Variants in CRACR2A observed in about 807,000 individuals in gnomAD.
CRACR2A encodes the protein EF-hand calcium-binding domain-containing protein 4B.
In CRACR2A, 79 loss-of-function variants were observed where a neutral mutation model predicts 90.5. That is an observed-to-expected ratio of 0.87 (90% CI 0.73 to 1.05). CRACR2A has a LOEUF of 1.05. Among genes scored for constraint, CRACR2A ranks in the 50% least tolerant of loss-of-function variants. The probability of loss-of-function intolerance (pLI) is 0.00; values close to 1 mark genes in which losing one functional copy is unlikely to be tolerated. For synonymous variants in CRACR2A, 338 were observed against 356.7 expected (o/e 0.95, Z 0.59); for missense variants, 823 against 897.2 (o/e 0.92, Z 1.06).
chr12:3,708,869 C>T (rs1945970269), intron 3 of CRACR2A, among the ~76,000 whole-genome samples: 1 of 152,228 alleles, frequency 6.6e-6, no homozygotes, highest in Non-Finnish European at 1.5e-5. Flanking sequence ...CAGTTCCAAA[C>T]CTTCAAGTCT....
chr12:3,664,441 T>A (rs1260843104), intron 7 of CRACR2A, among the ~76,000 whole-genome samples: 1 of 152,212 alleles, frequency 6.6e-6, no homozygotes, highest in Non-Finnish European at 1.5e-5. Context: ...TCTTTTTTTT[T>A]ATTAAGTTTT....
chr12:3,706,937 G>T (rs1276843025), intron 3 of CRACR2A, among the ~76,000 whole-genome samples: 1 of 152,072 alleles, frequency 6.6e-6, no homozygotes, highest in African/African-American at 2.4e-5. Context: ...AAATCAAATT[G>T]GCTTCCTCCA....
intron 6 of CRACR2A, among the ~76,000 whole-genome samples, chr12:3,674,626 G>C (rs750177049): frequency 8.5e-5 from 13 of 152,320 alleles, no homozygotes; most frequent in Non-Finnish European, 1.8e-4. Context: ...TAGAGTTCAA[G>C]TGAAATTTCA....
intron 2 of CRACR2A, chr12:3,726,711 G>A (rs991226454): frequency 5.9e-5 from 9 of 151,968 alleles, no homozygotes; most frequent in Admixed American, 1.3e-4. Context: ...TAAGTGTAGC[G>A]TCATGATAAT....
At chr12:3,662,824 A>G (rs1385466404) in intron 7 of CRACR2A, among the ~76,000 whole-genome samples, 2 of 152,344 alleles carry the variant, frequency 1.3e-5, no homozygotes, top group Admixed American at 6.5e-5. Flanking sequence ...AGATGTGCAC[A>G]TATGGTGAGT....
At chr12:3,666,195 A>G (rs1325679647) in intron 7 of CRACR2A, among the ~76,000 whole-genome samples, 1 of 152,158 alleles carries the variant, frequency 6.6e-6, no homozygotes, top group African/African-American at 2.4e-5. Context: ...TGCGGATGCC[A>G]TAAGGGCAAC....
intron 4 of CRACR2A, among the ~76,000 whole-genome samples, chr12:3,691,096 C>T (rs948435428): frequency 2.0e-5 from 3 of 152,156 alleles, no homozygotes; most frequent in Non-Finnish European, 4.4e-5. Context: ...GGTCTTGGTT[C>T]TTTATCCAGC....
intron 4 of CRACR2A, among the ~76,000 whole-genome samples, chr12:3,684,311 G>C (rs1177361756): frequency 6.6e-6 from 1 of 152,096 alleles, no homozygotes; most frequent in African/African-American, 2.4e-5. Context: ...GAGGTGGGAG[G>C]GCAGGATCAA....
At chr12:3,636,225 G>A (rs1944451968) in intron 14 of CRACR2A, among the ~76,000 whole-genome samples, 1 of 152,176 alleles carries the variant, frequency 6.6e-6, no homozygotes, top group Admixed American at 6.5e-5. Context: ...TTACCAAATG[G>A]GTTTCCAGAA....
intron 7 of CRACR2A, among the ~76,000 whole-genome samples, chr12:3,672,147 T>G (rs578008040): frequency 3.3e-5 from 5 of 152,326 alleles, no homozygotes; most frequent in Admixed American, 6.5e-5. Context: ...CTAAAAGTCC[T>G]TTCTCCCCAG....
intron 12 of CRACR2A, among the ~76,000 whole-genome samples, chr12:3,643,815 AT>A (rs1334003408): frequency 1.5e-4 from 14 of 90,878 alleles, no homozygotes; most frequent in African/African-American, 5.5e-4. Flanking sequence ...TTATATATAT[AT>A]TTATATTATA....
chr12:3,691,171 T>C (rs1227582778), intron 4 of CRACR2A, among the ~76,000 whole-genome samples: 3 of 152,234 alleles, frequency 2.0e-5, no homozygotes, highest in Non-Finnish European at 4.4e-5. Flanking sequence ...ATTATTAACA[T>C]GTGGATGTGA....
chr12:3,678,647 T>A (rs1447363827), intron 6 of CRACR2A, among the ~76,000 whole-genome samples: 3 of 145,206 alleles, frequency 2.1e-5, no homozygotes, highest in East Asian at 4.0e-4. Flanking sequence ...TGGCCAGGAG[T>A]GAGGAAGGTA....
intron 1 of CRACR2A, among the ~76,000 whole-genome samples, chr12:3,747,407 C>T (rs1946643410): frequency 6.6e-6 from 1 of 152,156 alleles, no homozygotes. Flanking sequence ...CGTCTTTGGT[C>T]AAGGTGGGGC....
chr12:3,673,699 C>G, intron 6 of CRACR2A, 107 bp from the exon 7 acceptor site: 1 of 1,405,572 alleles, frequency 7.1e-7, no homozygotes, highest in East Asian at 2.3e-5. Flanking sequence ...CCGTCAGAAT[C>G]ATTATAAAGA....
intron 10 of CRACR2A, among the ~76,000 whole-genome samples, chr12:3,653,764 C>G (rs1232517142): frequency 6.6e-6 from 1 of 152,184 alleles, no homozygotes; most frequent in East Asian, 1.9e-4. Flanking sequence ...TGGAAGCCTC[C>G]CTGCTTCCCT....
intron 2 of CRACR2A, among the ~76,000 whole-genome samples, chr12:3,720,119 C>CAAGAAAGA (rs200436404): frequency 6.4e-5 from 8 of 125,286 alleles, no homozygotes; most frequent in South Asian, 2.8e-4. Flanking sequence ...AACTCTATCT[C>CAAGAAAGA]AAGAAAGAAA....
In CRACR2A at chr12:3,737,365, G is replaced by A. The variant is rs148149806; in HGVS notation, c.-386-4155C>T. Among the ~76,000 whole-genome samples the A allele has an allele frequency of 3.8e-3, 578 of 152,302 alleles. 2 individuals carry two copies. The highest frequency in any genetic ancestry group is 0.012 in the African/African-American group (512 of 41,554). ...GAGAGTGGTAGGAGATGAGGCTGAAGAGTAGGACTTGATGGGCAGGTTAGA... is the reference window on the plus strand; with the variant it reads ...GAGAGTGGTAGGAGATGAGGCTGAAAAGTAGGACTTGATGGGCAGGTTAGA... On this transcript the variant is annotated intron_variant, in intron 1 of 19. Transcript: ENST00000440314.
chr12:3,617,552 G>A (rs1156957604), intron 18 of CRACR2A, among the ~76,000 whole-genome samples: 2 of 152,168 alleles, frequency 1.3e-5, no homozygotes, highest in African/African-American at 4.8e-5. Context: ...GAGGCACTCC[G>A]GTAGGAATTC....
Sources: gnomAD v4.1 joint callset for allele counts (sites outside exome capture counted in the v4.1 genomes callset) on GRCh38, gnomAD v4.1.1 for gene constraint, MANE v1.5 for transcripts, NCBI Gene and HGNC (gene_info 2026-07-23, HGNC 2026-07-21) for gene names.